FRRS1: variants seen among roughly 807,000 people sequenced by gnomAD.
The protein encoded by FRRS1 is ferric reductase 1.
Under a neutral mutation model 70.7 loss-of-function variants are expected in FRRS1, and 51 were observed. That is an observed-to-expected ratio of 0.72 (90% CI 0.58 to 0.91). The LOEUF is 0.91. FRRS1 is among the 40% of genes least tolerant of loss of function. FRRS1 has a pLI of 0.00. For missense variants in FRRS1, 672 were observed against 726.0 expected, an observed-to-expected ratio of 0.93 and a Z score of 0.86; for synonymous variants, 225 against 238.7, an observed-to-expected ratio of 0.94 and a Z score of 0.53.
chr1:99,711,820 G>C (rs368563882), intron 14 of FRRS1, among the ~76,000 whole-genome samples: 24 of 152,218 alleles, frequency 1.6e-4, no homozygotes, highest in African/African-American at 5.8e-4. Context: ...TCAAATGTTT[G>C]GCCATCAGCA....
In FRRS1 at chr1:99,705,544, T is replaced by C. The variant is rs1408058731; in HGVS notation, c.*3484A>G. ...CAAACACTACATGTGCCCTGAGAGC[T>C]TCCTAGTTGGCATCTGCTGCATTTG... On this transcript the variant is annotated 3_prime_UTR_variant, in exon 17 of 17. Coordinates refer to ENST00000646001, the MANE Select transcript of FRRS1 (RefSeq NM_001361041.2). Among the ~76,000 whole-genome samples, 1 of 152,198 alleles carries C rather than the reference T, an allele frequency of 6.6e-6. No individual in the cohort carries two copies. Among genetic ancestry groups the C allele is most frequent in the Non-Finnish European group, 1.5e-5 (1 of 68,022 alleles).
chr1:99,761,349 A>T (rs1209254778), intron 1 of FRRS1, among the ~76,000 whole-genome samples: 1 of 152,086 alleles, frequency 6.6e-6, no homozygotes, highest in African/African-American at 2.4e-5. Flanking sequence ...GCTGGTCTTG[A>T]TCTCCTGAGC....
intron 9 of FRRS1, among the ~76,000 whole-genome samples, chr1:99,722,296 C>T (rs890588480): frequency 2.0e-5 from 3 of 152,166 alleles, no homozygotes; most frequent in African/African-American, 4.8e-5. Flanking sequence ...GCATAAGCCA[C>T]TGTGCCTCGC....
intron 9 of FRRS1, among the ~76,000 whole-genome samples, chr1:99,723,383 G>A (rs1654931444): frequency 6.6e-6 from 1 of 152,056 alleles, no homozygotes; most frequent in Admixed American, 6.6e-5. Context: ...TGAGAATGGT[G>A]GCACATGGCT....
chr1:99,732,318 G>C (rs1172993296), intron 7 of FRRS1, among the ~76,000 whole-genome samples: 4 of 152,148 alleles, frequency 2.6e-5, no homozygotes, highest in Non-Finnish European at 4.4e-5. Flanking sequence ...TCTCTCCCCA[G>C]TTTGCCCCTC....
chr1:99,763,168 C>T (rs1239938623), intron 1 of FRRS1, among the ~76,000 whole-genome samples: 1 of 151,982 alleles, frequency 6.6e-6, no homozygotes, highest in Non-Finnish European at 1.5e-5. Context: ...TTTTTTTTCC[C>T]TATACTGTAA....
intron 9 of FRRS1, among the ~76,000 whole-genome samples, chr1:99,722,344 C>T (rs1048015828): frequency 3.3e-5 from 5 of 152,126 alleles, no homozygotes; most frequent in African/African-American, 9.7e-5. Flanking sequence ...TCTTCTAGAG[C>T]TTACTCTATG....
chr1:99,737,982 C>A (rs745943221), intron 7 of FRRS1, 104 bp downstream of exon 7: 10 of 876,634 alleles, frequency 1.1e-5, no homozygotes, highest in Non-Finnish European at 1.7e-5. Context: ...ACCTCGTGAT[C>A]CACCTGCCTC....
At chr1:99,711,005 T>C in intron 14 of FRRS1, 56 bp from the exon 15 acceptor site, 1 of 1,476,284 alleles carries the variant, frequency 6.8e-7, no homozygotes, top group South Asian at 1.2e-5. Flanking sequence ...GAGAGACAAT[T>C]GTGTGTTTGT....
rs1319686913 is a variant in FRRS1 at position 99,706,079 on chromosome 1, C to G, written c.*2949G>C. On this transcript the variant is annotated 3_prime_UTR_variant, in exon 17 of 17. Coordinates refer to ENST00000646001, the MANE Select transcript of FRRS1 (RefSeq NM_001361041.2). ...TAAGCAGAAGAAGAATAATTTGGTT[C>G]TAATCAAAAGATTTGGTCTATTTGG... 1.3e-5 allele frequency among the ~76,000 whole-genome samples: 2 copies of G among 152,080 alleles called. No homozygotes were observed. The highest frequency in any genetic ancestry group is 2.9e-5 in the Non-Finnish European group (2 of 68,014).
At chr1:99,733,059 G>A (rs1655475862) in intron 7 of FRRS1, among the ~76,000 whole-genome samples, 1 of 151,982 alleles carries the variant, frequency 6.6e-6, no homozygotes. Context: ...TGTGTTCCCA[G>A]GCTCATCTTG....
intron 4 of FRRS1, among the ~76,000 whole-genome samples, chr1:99,744,398 T>C (rs1656133677): frequency 6.6e-6 from 1 of 152,212 alleles, no homozygotes; most frequent in Non-Finnish European, 1.5e-5. Flanking sequence ...AAGCAGCTTC[T>C]ATTGACCAAG....
At chr1:99,755,908 T>A (rs1033348250) in intron 1 of FRRS1, among the ~76,000 whole-genome samples, 4 of 152,222 alleles carry the variant, frequency 2.6e-5, no homozygotes, top group Non-Finnish European at 4.4e-5. Flanking sequence ...AACTTCTTTG[T>A]CCTCTGTCAA....
chr1:99,764,385 AT>A (rs971367782), intron 1 of FRRS1, among the ~76,000 whole-genome samples: 15 of 152,094 alleles, frequency 9.9e-5, no homozygotes, highest in African/African-American at 2.6e-4. Flanking sequence ...TATAATGTGC[AT>A]TTTTTTTAAA....
At chr1:99,734,329 T>C (rs770068086) in intron 7 of FRRS1, among the ~76,000 whole-genome samples, 11 of 152,194 alleles carry the variant, frequency 7.2e-5, no homozygotes, top group Non-Finnish European at 1.5e-4. Flanking sequence ...TAGGAGAATG[T>C]CCATGTTCTT....
Position 99,707,827 on chromosome 1 carries a change from A to G in FRRS1, c.*1201T>C, listed in dbSNP as rs1048378689. The stretch of plus-strand genomic sequence containing the variant: ...TGAAATAAGGAATATAACACTGACT[A>G]TTCTGATTCAGTAGAACATAAAAAA... On this transcript the variant is annotated 3_prime_UTR_variant, in exon 17 of 17. Coordinates refer to ENST00000646001, the MANE Select transcript of FRRS1 (RefSeq NM_001361041.2). 6.6e-6 allele frequency among the ~76,000 whole-genome samples: 1 copy of G among 152,236 alleles called. No homozygotes were observed. The highest frequency in any genetic ancestry group is 2.4e-5 in the African/African-American group (1 of 41,458).
chr1:99,750,732 G>C (rs1571149111), intron 1 of FRRS1, among the ~76,000 whole-genome samples: 1 of 150,540 alleles, frequency 6.6e-6, no homozygotes, highest in East Asian at 1.9e-4. Flanking sequence ...AACTACAAAA[G>C]GTACAACAAA....
rs1056300377 is a variant in FRRS1, at chr1:99,706,523, T to C, written c.*2505A>G. ...AGCACTGAAAAAGAAAAAGTTAAAA[T>C]ATCTTAGCCTCAACACTCGAAATAT... is the stretch of plus-strand genomic sequence containing the variant. On this transcript the variant is annotated 3_prime_UTR_variant, in exon 17 of 17. Transcript: ENST00000646001. Among the ~76,000 whole-genome samples, 2 of 151,888 alleles carry C rather than the reference T, an allele frequency of 1.3e-5. No homozygotes were observed. Among genetic ancestry groups the C allele is most frequent in the African/African-American group, 4.8e-5 (2 of 41,324 alleles).
In FRRS1 at chr1:99,747,363, G is replaced by A; in HGVS notation, c.264C>T (p.Gly88=). 3 of 1,613,376 alleles carry A rather than the reference G, an allele frequency of 1.9e-6. No individual in the cohort carries two copies. In the South Asian group the frequency reaches 3.3e-5, roughly 18 times the overall value. ...LEARNAEDLN[G]PPIGSFTLID... is the part of the protein sequence containing the mutation. ...TCAATGTGAAGGAGCCAATAGGAGGGCCATTCAGATCCTCAGCATTACGCG... is the reference window on the plus strand; with the variant it reads ...TCAATGTGAAGGAGCCAATAGGAGGACCATTCAGATCCTCAGCATTACGCG... Residue 88 remains glycine, a synonymous_variant, in exon 4 of 17, where the codon GGC becomes GGT. Coordinates refer to ENST00000646001, the MANE Select transcript of FRRS1 (RefSeq NM_001361041.2).
Sources: gnomAD v4.1 joint callset for allele counts (sites outside exome capture counted in the v4.1 genomes callset) on GRCh38, gnomAD v4.1.1 for gene constraint, MANE v1.5 for transcripts, NCBI Gene and HGNC (gene_info 2026-07-23, HGNC 2026-07-21) for gene names.